Variants in CRADD observed in about 807,000 individuals in gnomAD.
CRADD encodes the protein CARD and death domain containing adaptor protein.
A neutral mutation model predicts 15.5 loss-of-function variants in CRADD; 9 were observed. The ratio of observed to expected loss-of-function variants is 0.58; its 90% CI spans 0.35 to 1.01. CRADD has a LOEUF of 1.01. Ranked by LOEUF, CRADD falls within the 50% of genes least tolerant of loss-of-function variation. The pLI, the probability that CRADD is intolerant of heterozygous loss-of-function variation, is 0.02. For synonymous variants in CRADD, 118 were observed against 107.6 expected, an observed-to-expected ratio of 1.10 and a Z score of -0.60; for missense variants, 227 against 250.3, an observed-to-expected ratio of 0.91 and a Z score of 0.63.
chr12:93,868,416 C>A (rs1593053571), intron 2 of CRADD, among the ~76,000 whole-genome samples: 1 of 152,032 alleles, frequency 6.6e-6, no homozygotes, highest in African/African-American at 2.4e-5. Context: ...TATAATTTAT[C>A]CTTGTTTTAC....
intron 2 of CRADD, among the ~76,000 whole-genome samples, chr12:93,862,925 C>G (rs75215045): frequency 1.4e-3 from 219 of 152,274 alleles, no homozygotes; most frequent in Non-Finnish European, 2.4e-3. Flanking sequence ...AAGGTATGAA[C>G]AGTATCTTGA....
intron 2 of CRADD, chr12:93,735,630 G>C (rs557344492): frequency 2.0e-5 from 3 of 152,312 alleles, no homozygotes; most frequent in East Asian, 3.9e-4. Context: ...GTCGAGTACA[G>C]TAGTTCAAGC....
At chr12:93,889,542 C>T (rs887221420) in intron 2 of CRADD, among the ~76,000 whole-genome samples, 3 of 152,186 alleles carry the variant, frequency 2.0e-5, no homozygotes, top group Non-Finnish European at 2.9e-5. Context: ...TTGCCCTCCA[C>T]TGCAGCACTT....
At chr12:93,857,751 G>T (rs1010107938) in intron 2 of CRADD, among the ~76,000 whole-genome samples, 2 of 152,144 alleles carry the variant, frequency 1.3e-5, no homozygotes, top group Admixed American at 1.3e-4. Flanking sequence ...ATGGCAAGAG[G>T]GGGAGCAAGA....
At chr12:93,766,989 C>A (rs1042154659) in intron 2 of CRADD, among the ~76,000 whole-genome samples, 12 of 152,166 alleles carry the variant, frequency 7.9e-5, no homozygotes, top group African/African-American at 2.4e-4. Flanking sequence ...GAAACAGATA[C>A]TCAAGTGGGT....
chr12:93,777,797 G>A (rs779955001), intron 2 of CRADD, among the ~76,000 whole-genome samples: 8 of 152,174 alleles, frequency 5.3e-5, no homozygotes, highest in African/African-American at 9.7e-5. Context: ...ACCAAAGCCC[G>A]TTTTTCCTGG....
At chr12:93,754,009 C>T (rs571316912) in intron 2 of CRADD, among the ~76,000 whole-genome samples, 1 of 152,270 alleles carries the variant, frequency 6.6e-6, no homozygotes, top group African/African-American at 2.4e-5. Flanking sequence ...GAGCGCTCCG[C>T]CCCTGCAGCA....
At chr12:93,711,055 C>CCCCTTTTTTTTTTTTT in intron 2 of CRADD, among the ~76,000 whole-genome samples, 1 of 43,508 alleles carries the variant, frequency 2.3e-5, no homozygotes, top group African/African-American at 8.5e-5. Context: ...CCACCCCCGC[C>CCCCTTTTTTTTTTTTT]TTTTTTTTTT....
At chr12:93,781,078 G>T (rs1256878167) in intron 2 of CRADD, among the ~76,000 whole-genome samples, 1 of 151,802 alleles carries the variant, frequency 6.6e-6, no homozygotes, top group African/African-American at 2.4e-5. Context: ...TTTTTTAAAG[G>T]TTCTCTTTGA....
chr12:93,796,789 A>G (rs1957423822), intron 2 of CRADD, among the ~76,000 whole-genome samples: 1 of 152,074 alleles, frequency 6.6e-6, no homozygotes, highest in Admixed American at 6.5e-5. Context: ...CTTTGACATT[A>G]ATCATTTCAA....
At chr12:93,769,907 A>G (rs563365285) in intron 2 of CRADD, among the ~76,000 whole-genome samples, 2 of 152,174 alleles carry the variant, frequency 1.3e-5, no homozygotes, top group Admixed American at 6.5e-5. Flanking sequence ...TTTGTTGGTT[A>G]TATGTGTCAG....
Position 93,761,064 on chromosome 12 carries a change from G to T in CRADD, c.298+81992G>T, listed in dbSNP as rs142302842. 2.6e-3 allele frequency among the ~76,000 whole-genome samples: 400 copies of T among 152,204 alleles called. 2 individuals carry two copies. The highest frequency in any genetic ancestry group is 9.0e-3 in the African/African-American group (372 of 41,536). ...AGGGGTAGGAGATGAGACTGGGCAG[G>T]CTGGCAGTGTCTTCAACTCTGGCTG... On this transcript the variant is annotated intron_variant, in intron 2 of 2. Transcript: ENST00000332896.
intron 2 of CRADD, among the ~76,000 whole-genome samples, chr12:93,760,096 A>G (rs1956934349): frequency 6.6e-6 from 1 of 152,206 alleles, no homozygotes; most frequent in Non-Finnish European, 1.5e-5. Context: ...AGCAGCACAA[A>G]AGTATGGGGA....
chr12:93,686,068 G>A (rs1231722382), intron 2 of CRADD, among the ~76,000 whole-genome samples: 1 of 151,658 alleles, frequency 6.6e-6, no homozygotes, highest in Non-Finnish European at 1.5e-5. Context: ...GGGAGGCTGA[G>A]GCGGGTGAAT....
chr12:93,815,952 A>G (rs560095817), intron 2 of CRADD: 7 of 152,362 alleles, frequency 4.6e-5, no homozygotes, highest in Admixed American at 2.0e-4. Context: ...CCATGAGGAT[A>G]GTAGTGGTAA....
chr12:93,838,214 G>GTT (rs66564800), intron 2 of CRADD, among the ~76,000 whole-genome samples: 45,745 of 130,298 alleles, frequency 0.35, 8,714 homozygotes, highest in East Asian at 0.72. Flanking sequence ...TCCTTTTGAG[G>GTT]TTTTTTTTTT....
chr12:93,859,248 AT>A (rs1249996098), intron 2 of CRADD: 1 of 443,128 alleles, frequency 2.3e-6, no homozygotes, highest in Non-Finnish European at 4.5e-6. Flanking sequence ...ATTGTTTTAA[AT>A]TGTTTTTTAA....
At chr12:93,885,449 C>T (rs1055453230) in intron 2 of CRADD, among the ~76,000 whole-genome samples, 1 of 152,042 alleles carries the variant, frequency 6.6e-6, no homozygotes, top group Non-Finnish European at 1.5e-5. Context: ...CCCGCCACCC[C>T]CCAGTCTGGT....
At chr12:93,796,914 C>T (rs975968546) in intron 2 of CRADD, among the ~76,000 whole-genome samples, 2 of 152,186 alleles carry the variant, frequency 1.3e-5, no homozygotes, top group African/African-American at 4.8e-5. Flanking sequence ...CTGGATATCA[C>T]GTGGCACATC....
Sources: allele counts gnomAD v4.1 joint callset (sites outside exome capture counted in the v4.1 genomes callset), GRCh38; gene constraint gnomAD v4.1.1; transcripts MANE v1.5; gene names NCBI Gene and HGNC (gene_info 2026-07-23, HGNC 2026-07-21).